Variants in L3MBTL4 observed in about 807,000 individuals in gnomAD.
L3MBTL4 encodes the protein lethal(3)malignant brain tumor-like protein 4.
L3MBTL4 carries 70 observed loss-of-function variants against 84.5 expected under a neutral mutation model. The ratio of observed to expected loss-of-function variants is 0.83; its 90% CI spans 0.68 to 1.01. The LOEUF is 1.01. Ranked by LOEUF, L3MBTL4 falls within the 50% of genes least tolerant of loss-of-function variation. The probability of loss-of-function intolerance (pLI) is 0.00; values close to 1 mark genes in which losing one functional copy is unlikely to be tolerated. For synonymous variants in L3MBTL4, 274 were observed against 259.8 expected (o/e 1.05, Z -0.52); for missense variants, 715 against 754.8 (o/e 0.95, Z 0.62).
At chr18:6,148,283 T>G (rs2042738733) in intron 13 of L3MBTL4, among the ~76,000 whole-genome samples, 1 of 152,248 alleles carries the variant, frequency 6.6e-6, no homozygotes, top group Non-Finnish European at 1.5e-5. Flanking sequence ...CTTTTTATAT[T>G]ACAGAATAGG....
chr18:6,167,657 A>C (rs943496269), intron 13 of L3MBTL4, among the ~76,000 whole-genome samples: 17 of 152,200 alleles, frequency 1.1e-4, no homozygotes, highest in Non-Finnish European at 2.5e-4. Context: ...TCAATAAATT[A>C]GGTATTGATG....
intron 12 of L3MBTL4, among the ~76,000 whole-genome samples, chr18:6,188,500 AGAAGTCTAAAT>A (rs2044895642): frequency 6.6e-6 from 1 of 152,216 alleles, no homozygotes; most frequent in Non-Finnish European, 1.5e-5. Context: ...GTGGATACTA[AGAAGTCTAAAT>A]GAAGTCTAAA....
chr18:6,060,450 A>G (rs1262521875), intron 16 of L3MBTL4, among the ~76,000 whole-genome samples: 1 of 148,752 alleles, frequency 6.7e-6, no homozygotes, highest in Non-Finnish European at 1.5e-5. Flanking sequence ...TTAGGTTTAT[A>G]AAAAAAAAAT....
At chr18:6,026,598 T>A (rs2145559331) in intron 16 of L3MBTL4, among the ~76,000 whole-genome samples, 1 of 152,268 alleles carries the variant, frequency 6.6e-6, no homozygotes, top group South Asian at 2.1e-4. Context: ...AAGGAAGAAG[T>A]CATGAACACC....
rs112074760 is a variant in L3MBTL4, at chr18:6,070,277, T to C, written c.1444+10604A>G. On this transcript the variant is annotated intron_variant, in intron 16 of 18. Coordinates refer to ENST00000317931, the MANE Select transcript of L3MBTL4 (RefSeq NM_001330559.2). ...CTAAAAATGAAAGACAACAGAAAAATCTTATAAGTAATCAGATAAAATGTG... is the reference window on the plus strand; with the variant it reads ...CTAAAAATGAAAGACAACAGAAAAACCTTATAAGTAATCAGATAAAATGTG... 4.0e-4 allele frequency among the ~76,000 whole-genome samples: 60 copies of C among 151,674 alleles called. 2 individuals carry two copies. The highest frequency in any genetic ancestry group is 1.5e-3 in the African/African-American group (60 of 41,336).
chr18:6,413,599 A>G (rs9303985), intron 1 of L3MBTL4, among the ~76,000 whole-genome samples: 82,001 of 151,348 alleles, frequency 0.54, 22,798 homozygotes, highest in East Asian at 0.72. Flanking sequence ...GAGCCACACT[A>G]CACTTATTTC....
intron 12 of L3MBTL4, among the ~76,000 whole-genome samples, chr18:6,178,925 T>C (rs960720208): frequency 6.6e-6 from 1 of 152,208 alleles, no homozygotes; most frequent in Admixed American, 6.5e-5. Context: ...GCCTCAGTCA[T>C]GTTCGCTGCT....
chr18:6,339,755 A>G (rs1409852880), intron 1 of L3MBTL4, among the ~76,000 whole-genome samples: 1 of 152,182 alleles, frequency 6.6e-6, no homozygotes, highest in Admixed American at 6.5e-5. Context: ...GAAAGGAAGG[A>G]TATGATTACA....
chr18:6,291,531 A>G (rs1198225320), intron 4 of L3MBTL4, among the ~76,000 whole-genome samples: 2 of 152,208 alleles, frequency 1.3e-5, no homozygotes, highest in African/African-American at 2.4e-5. Context: ...CAGAGAACCC[A>G]GGTATAAATC....
intron 1 of L3MBTL4, among the ~76,000 whole-genome samples, chr18:6,388,451 T>C (rs948760677): frequency 2.6e-5 from 4 of 152,164 alleles, no homozygotes; most frequent in Admixed American, 1.3e-4. Context: ...CATCACACCA[T>C]AAAATATTAG....
chr18:6,090,632 C>CTT (rs371420348), intron 15 of L3MBTL4, among the ~76,000 whole-genome samples: 11 of 139,002 alleles, frequency 7.9e-5, no homozygotes, highest in East Asian at 2.1e-4. Context: ...ACATATATTT[C>CTT]TTTTTTTTTT....
intron 15 of L3MBTL4, among the ~76,000 whole-genome samples, chr18:6,082,756 T>C (rs2058122435): frequency 6.6e-6 from 1 of 152,220 alleles, no homozygotes; most frequent in Non-Finnish European, 1.5e-5. Flanking sequence ...TGTTGGGTGC[T>C]TTTTAAAAAT....
At chr18:6,309,356 C>T (rs540825109) in intron 3 of L3MBTL4, among the ~76,000 whole-genome samples, 2 of 152,260 alleles carry the variant, frequency 1.3e-5, no homozygotes, top group South Asian at 2.1e-4. Context: ...GACAGTGCAA[C>T]GTGGACTAAA....
At chr18:6,385,345 T>TG (rs2054775631) in intron 1 of L3MBTL4, among the ~76,000 whole-genome samples, 1 of 152,170 alleles carries the variant, frequency 6.6e-6, no homozygotes, top group Non-Finnish European at 1.5e-5. Flanking sequence ...GAGGCTGCAG[T>TG]GGGCTGTGAC....
intron 16 of L3MBTL4, chr18:6,046,662 A>G (rs1374197952): frequency 1.4e-6 from 1 of 727,716 alleles, no homozygotes. Flanking sequence ...TTTTAGGTAA[A>G]TAACAAAACT....
At chr18:6,356,811 T>C (rs2053469100) in intron 1 of L3MBTL4, 1 of 152,164 alleles carries the variant, frequency 6.6e-6, no homozygotes, top group Non-Finnish European at 1.5e-5. Context: ...ACTTAAGCTA[T>C]GCCAAATTTA....
At chr18:6,176,268 A>G (rs1443147355) in intron 12 of L3MBTL4, among the ~76,000 whole-genome samples, 1 of 152,216 alleles carries the variant, frequency 6.6e-6, no homozygotes, top group Admixed American at 6.5e-5. Flanking sequence ...AAAAAAAATT[A>G]ACAAAGTTGG....
chr18:6,020,675 TAG>T (rs2145492823), intron 16 of L3MBTL4, among the ~76,000 whole-genome samples: 1 of 152,222 alleles, frequency 6.6e-6, no homozygotes, highest in East Asian at 1.9e-4. Context: ...GCAAAATCAA[TAG>T]GTTTGGTTTC....
At chr18:6,091,926 A>T (rs1219905617) in intron 15 of L3MBTL4, among the ~76,000 whole-genome samples, 2 of 152,202 alleles carry the variant, frequency 1.3e-5, no homozygotes, top group Non-Finnish European at 2.9e-5. Context: ...GGAAATAGTT[A>T]AAAAAGAAAA....
Sources: allele counts gnomAD v4.1 joint callset (sites outside exome capture counted in the v4.1 genomes callset), GRCh38; gene constraint gnomAD v4.1.1; transcripts MANE v1.5; gene names NCBI Gene and HGNC (gene_info 2026-07-23, HGNC 2026-07-21).